The following IPO7 variants were observed in gnomAD, a reference collection of about 807,000 sequenced individuals.
IPO7 encodes the protein importin 7.
In IPO7, 13 loss-of-function variants were observed where a neutral mutation model predicts 136.4. That is an observed-to-expected ratio of 0.10 (90% CI 0.06 to 0.15). IPO7 has a LOEUF of 0.15. IPO7 is among the 10% of genes least tolerant of loss of function. The pLI is 1.00. For synonymous variants in IPO7, 403 were observed against 404.4 expected (o/e 1.00, Z 0.04); for missense variants, 857 against 1,240.6 (o/e 0.69, Z 4.65).
chr11:9,401,561 TAAA>T (rs11330854), intron 1 of IPO7, among the ~76,000 whole-genome samples: 31 of 139,976 alleles, frequency 2.2e-4, no homozygotes, highest in South Asian at 6.8e-4. Flanking sequence ...AACAAAAAAT[TAAA>T]AAAAAAAAAA....
chr11:9,413,011 C>A (rs1400323871), intron 4 of IPO7, among the ~76,000 whole-genome samples: 1 of 150,854 alleles, frequency 6.6e-6, no homozygotes, highest in Non-Finnish European at 1.5e-5. Context: ...TCCCGAGTAG[C>A]TGGGACTATA....
intron 1 of IPO7, among the ~76,000 whole-genome samples, chr11:9,398,219 T>A (rs1381959512): frequency 1.3e-5 from 2 of 152,234 alleles, no homozygotes; most frequent in Non-Finnish European, 1.5e-5. Flanking sequence ...TGAATTTTTT[T>A]AATAGCTTAA....
At position 9,413,976 on chromosome 11, in the gene IPO7, C is replaced by T. The variant is rs527934406; in HGVS notation, c.480-279C>T. Reference sequence around the variant, plus strand: ...ATGTAATACTGAGAAAGATAGTTAACGTCTGTGCCTCAGTTTCCTCAACTA... The same window carrying T: ...ATGTAATACTGAGAAAGATAGTTAATGTCTGTGCCTCAGTTTCCTCAACTA... On this transcript the variant is annotated intron_variant, in intron 4 of 24. Transcript: ENST00000379719. Among the ~76,000 whole-genome samples, 7 of 149,392 alleles carry T rather than the reference C, an allele frequency of 4.7e-5. No individual in the cohort carries two copies. The East Asian group carries it at 6.1e-4, about 13-fold the overall frequency.
At chr11:9,398,740 T>A (rs1025377223) in intron 1 of IPO7, among the ~76,000 whole-genome samples, 2 of 152,324 alleles carry the variant, frequency 1.3e-5, no homozygotes, top group Admixed American at 6.5e-5. Context: ...GCTAGGAACA[T>A]TGAAAATCTG....
chr11:9,415,938 G>T (rs1288315357), intron 5 of IPO7, among the ~76,000 whole-genome samples: 2 of 152,190 alleles, frequency 1.3e-5, no homozygotes, highest in Non-Finnish European at 2.9e-5. Flanking sequence ...GGAAAATTCT[G>T]GTTCTTTTTG....
intron 15 of IPO7, 133 bp from the exon 16 acceptor site, chr11:9,430,742 A>G (rs1227652674): frequency 4.3e-6 from 3 of 699,588 alleles, no homozygotes; most frequent in Middle Eastern, 8.0e-4. Flanking sequence ...GCTCTTTATT[A>G]TCATTAATCA....
chr11:9,428,744 T>G, intron 13 of IPO7, 115 bp downstream of exon 13: 1 of 801,466 alleles, frequency 1.2e-6, no homozygotes, highest in Non-Finnish European at 2.3e-6. Context: ...TATTTTAGGT[T>G]TCTGTTTAAT....
chr11:9,406,163 G>A (rs1378891225), intron 2 of IPO7, among the ~76,000 whole-genome samples: 4 of 116,714 alleles, frequency 3.4e-5, no homozygotes, highest in South Asian at 3.1e-4. Flanking sequence ...GTGTTTCCCC[G>A]GCTGGTTTCG....
At chr11:9,397,341 A>AAAATATATATATATATATATATATATAT in intron 1 of IPO7, among the ~76,000 whole-genome samples, 1 of 10,762 alleles carries the variant, frequency 9.3e-5, no homozygotes. Flanking sequence ...TTTAAAAAAA[A>AAAATATATATATATATATATATATATAT]ATATATATAT....
At chr11:9,418,994 T>A (rs1855084055) in intron 6 of IPO7, among the ~76,000 whole-genome samples, 1 of 152,244 alleles carries the variant, frequency 6.6e-6, no homozygotes, top group Non-Finnish European at 1.5e-5. Flanking sequence ...ATATCACAAT[T>A]TATGTATGTT....
At position 9,384,708 on chromosome 11, in the gene IPO7, C is replaced by A; in HGVS notation, c.-56C>A. ...GCGGGTCCATGTGCGCAGTGAGTGG[C>A]GCTATTCCTGGCCCAGTAGCACCCG... On this transcript the variant is annotated 5_prime_UTR_variant, in exon 1 of 25. Transcript: ENST00000379719. 3 of 1,425,322 alleles carry A rather than the reference C, an allele frequency of 2.1e-6. No homozygotes were observed. Among genetic ancestry groups the A allele is most frequent in the South Asian group, 1.2e-5 (1 of 80,744 alleles). The allele number at this position is 1,425,322 out of a possible 1,614,324, so 88.3% of individuals were successfully genotyped here. A position where few individuals can be genotyped will look rare whatever the true frequency, so the allele number is the denominator to read the frequency against.
intron 5 of IPO7, chr11:9,414,619 CTTTTTTTTTT>C (rs1164303193): frequency 1.4e-4 from 10 of 71,362 alleles, no homozygotes; most frequent in South Asian, 8.2e-4. Context: ...CCTAATGAAT[CTTTTTTTTTT>C]TTTTTTTTTT....
intron 24 of IPO7, among the ~76,000 whole-genome samples, chr11:9,443,849 A>G (rs1046461829): frequency 4.6e-5 from 7 of 152,058 alleles, no homozygotes; most frequent in African/African-American, 1.7e-4. Flanking sequence ...ATAGTGAGCC[A>G]TTATTGTGCC....
chr11:9,433,536 G>C (rs770353509), intron 16 of IPO7, 34 bp from the exon 17 acceptor site: 7 of 1,498,998 alleles, frequency 4.7e-6, no homozygotes, highest in Non-Finnish European at 5.6e-6. Context: ...TTAGTAGGCT[G>C]TAACTGCATA....
rs1289745047 is a variant in IPO7 at position 9,445,546 on chromosome 11, G to C, written c.*352G>C. ...TTTTCTGAGGAAAAAATAGGCATGG[G>C]CTACAGGACTATTTAAAATGTCTCA... On this transcript the variant is annotated 3_prime_UTR_variant, in exon 25 of 25. Transcript: ENST00000379719. 1 of 183,682 alleles carries C rather than the reference G, an allele frequency of 5.4e-6. No homozygotes were observed. The highest frequency in any genetic ancestry group is 1.1e-5 in the Non-Finnish European group (1 of 86,972). The allele number at this position is 183,682 out of a possible 1,614,324, so 11.4% of individuals were successfully genotyped here. A position where few individuals can be genotyped will look rare whatever the true frequency, so the allele number is the denominator to read the frequency against.
chr11:9,406,677 C>T (rs1398774739), intron 2 of IPO7, among the ~76,000 whole-genome samples: 2 of 152,074 alleles, frequency 1.3e-5, no homozygotes, highest in Non-Finnish European at 2.9e-5. Context: ...TCAAGACCAG[C>T]CTGGTCAACA....
At chr11:9,420,319 G>T in intron 6 of IPO7, 92 bp from the exon 7 acceptor site, 1 of 780,826 alleles carries the variant, frequency 1.3e-6, no homozygotes, top group Non-Finnish European at 2.1e-6. Flanking sequence ...CAGCATTAGT[G>T]AAGCATTCAC....
chr11:9,418,005 GC>G (rs1178839164), intron 6 of IPO7, among the ~76,000 whole-genome samples: 1 of 151,710 alleles, frequency 6.6e-6, no homozygotes, highest in African/African-American at 2.4e-5. Flanking sequence ...GAGCCACTGT[GC>G]CCGGCCTATA....
At chr11:9,404,414 G>A (rs1024082906) in intron 2 of IPO7, among the ~76,000 whole-genome samples, 1 of 151,700 alleles carries the variant, frequency 6.6e-6, no homozygotes, top group Non-Finnish European at 1.5e-5. Context: ...GCAGTGAGCC[G>A]AGTTGGCGTC....
Sources: allele counts gnomAD v4.1 joint callset (sites outside exome capture counted in the v4.1 genomes callset), GRCh38; gene constraint gnomAD v4.1.1; transcripts MANE v1.5; gene names NCBI Gene and HGNC (gene_info 2026-07-23, HGNC 2026-07-21).